NLGN4X: variants seen among roughly 807,000 people sequenced by gnomAD.
The protein encoded by NLGN4X is neuroligin-4, X-linked.
Under a neutral mutation model 40.3 loss-of-function variants are expected in NLGN4X, and 3 were observed. That is an observed-to-expected ratio of 0.07 (90% CI 0.03 to 0.19). The LOEUF is 0.19. Ranked by LOEUF, NLGN4X falls within the 10% of genes least tolerant of loss-of-function variation. The pLI is 1.00. For missense variants in NLGN4X, 382 were observed against 708.3 expected (o/e 0.54, Z 5.23); for synonymous variants, 270 against 306.8 (o/e 0.88, Z 1.25).
At chrX:6,134,074 A>C (rs751180230) in intron 2 of NLGN4X, among the ~76,000 whole-genome samples, 3 of 110,994 alleles carry the variant, frequency 2.7e-5, no homozygotes, top group Non-Finnish European at 3.8e-5. Flanking sequence ...CTCTAAAAGG[A>C]GGTCAGACCC....
intron 3 of NLGN4X, among the ~76,000 whole-genome samples, chrX:6,013,833 T>G (rs1452456470): frequency 2.7e-5 from 3 of 110,484 alleles, no homozygotes; most frequent in Non-Finnish European, 1.9e-5. Flanking sequence ...CTCCAACCTA[T>G]CTGAGAGAGC....
intron 3 of NLGN4X, among the ~76,000 whole-genome samples, chrX:5,949,097 T>C (rs997028208): frequency 2.7e-5 from 3 of 112,084 alleles, no homozygotes; most frequent in Non-Finnish European, 5.6e-5. Flanking sequence ...TAGCTTCTTA[T>C]GATCCAGCCC....
In NLGN4X at chrX:6,127,708, A is replaced by G. The variant is rs2039590840; in HGVS notation, c.472+23287T>C. Among the ~76,000 whole-genome samples, 3 of 112,774 alleles carry G rather than the reference A, an allele frequency of 2.7e-5. No homozygotes were observed. The South Asian group carries it at 1.1e-3, about 41-fold the overall frequency. The stretch of plus-strand genomic sequence containing the variant: ...GAGATTCCCACCTCATTTCATATAT[A>G]AAAATAAACTCTGCATGGATTAAAA... On this transcript the variant is annotated intron_variant, in intron 2 of 5. Coordinates refer to ENST00000381095, the MANE Select transcript of NLGN4X (RefSeq NM_181332.3).
At chrX:5,982,174 C>A (rs766077590) in intron 3 of NLGN4X, among the ~76,000 whole-genome samples, 1 of 111,656 alleles carries the variant, frequency 9.0e-6, no homozygotes, top group African/African-American at 3.2e-5. Context: ...AAGAAACTTG[C>A]GAATAAACAA....
chrX:6,165,042 G>C (rs1215221706), intron 1 of NLGN4X, among the ~76,000 whole-genome samples: 1 of 111,117 alleles, frequency 9.0e-6, no homozygotes, highest in Non-Finnish European at 1.9e-5. Context: ...CCTCAGGCTT[G>C]AACCTCATCA....
intron 2 of NLGN4X, among the ~76,000 whole-genome samples, chrX:6,035,546 C>T (rs2147241123): frequency 8.9e-6 from 1 of 111,965 alleles, no homozygotes; most frequent in East Asian, 2.8e-4. Flanking sequence ...GTCTCAGCAC[C>T]ATTTATTGAA....
At chrX:5,949,839 G>A (rs184062016) in intron 3 of NLGN4X, among the ~76,000 whole-genome samples, 54 of 111,484 alleles carry the variant, frequency 4.8e-4, no homozygotes, top group African/African-American at 1.8e-3. Context: ...GAGGCATAGT[G>A]TATGCTGTCA....
At chrX:6,050,480 T>C (rs2037457756) in intron 2 of NLGN4X, among the ~76,000 whole-genome samples, 1 of 111,394 alleles carries the variant, frequency 9.0e-6, no homozygotes, top group South Asian at 3.9e-4. Flanking sequence ...TCTATCCATC[T>C]CTAACATCTT....
intron 3 of NLGN4X, among the ~76,000 whole-genome samples, chrX:5,946,305 GA>G (rs2034119361): frequency 9.0e-6 from 1 of 111,609 alleles, no homozygotes; most frequent in South Asian, 3.8e-4. Flanking sequence ...CTTGAGGACG[GA>G]AAACAATTAA....
chrX:6,134,240 G>T (rs1182007409), intron 2 of NLGN4X, among the ~76,000 whole-genome samples: 1 of 111,840 alleles, frequency 8.9e-6, no homozygotes, highest in Non-Finnish European at 1.9e-5. Flanking sequence ...CTGAGTGCAG[G>T]ACTTCAAATT....
At chrX:5,916,658 C>T (rs1450592829) in intron 3 of NLGN4X, among the ~76,000 whole-genome samples, 2 of 110,732 alleles carry the variant, frequency 1.8e-5, no homozygotes, top group Admixed American at 1.9e-4. Context: ...CAATGTTGTC[C>T]AGGCTAGTCT....
intron 3 of NLGN4X, among the ~76,000 whole-genome samples, chrX:5,957,348 G>A (rs1252481183): frequency 1.8e-5 from 2 of 111,653 alleles, no homozygotes; most frequent in Non-Finnish European, 3.8e-5. Flanking sequence ...AAAAAACGGG[G>A]AGAGGAGACC....
At chrX:6,222,813 G>A (rs1925827897) in intron 1 of NLGN4X, among the ~76,000 whole-genome samples, 1 of 112,196 alleles carries the variant, frequency 8.9e-6, no homozygotes, top group Non-Finnish European at 1.9e-5. Context: ...TAGTGAGTAA[G>A]TTCTCACAAG....
In NLGN4X at chrX:5,968,073, G is replaced by C. The variant is rs368353926; in HGVS notation, c.626-58834C>G. On this transcript the variant is annotated intron_variant, in intron 3 of 5. Transcript: ENST00000381095. ...ATCAGACTATGTGCTGACTCCTTGA[G>C]AGCAGAAGCCACAAGCTAAGCGGCT... Among the ~76,000 whole-genome samples, 6 of 111,320 alleles carry C rather than the reference G, an allele frequency of 5.4e-5. No individual in the cohort carries two copies. In the East Asian group the frequency reaches 1.7e-3, roughly 32 times the overall value.
At chrX:5,994,276 G>A (rs2035761095) in intron 3 of NLGN4X, among the ~76,000 whole-genome samples, 1 of 111,925 alleles carries the variant, frequency 8.9e-6, no homozygotes, top group Non-Finnish European at 1.9e-5. Flanking sequence ...AGATTGAGAT[G>A]TAAGAAGCAT....
intron 2 of NLGN4X, among the ~76,000 whole-genome samples, chrX:6,135,638 C>A (rs2039797063): frequency 9.0e-6 from 1 of 111,562 alleles, no homozygotes; most frequent in African/African-American, 3.3e-5. Context: ...ATTCAAGTAT[C>A]TCTTTCCACT....
intron 3 of NLGN4X, among the ~76,000 whole-genome samples, chrX:5,985,785 G>A (rs755414682): frequency 9.0e-6 from 1 of 111,668 alleles, no homozygotes; most frequent in Non-Finnish European, 1.9e-5. Context: ...CAACAGAAAG[G>A]CCTGAAGTAA....
intron 3 of NLGN4X, among the ~76,000 whole-genome samples, chrX:5,921,594 A>G (rs962035591): frequency 4.5e-5 from 5 of 111,048 alleles, no homozygotes; most frequent in Non-Finnish European, 7.5e-5. Context: ...TATGGTACCA[A>G]CAGCCTGGGA....
At chrX:6,005,533 A>G (rs1254067448) in intron 3 of NLGN4X, among the ~76,000 whole-genome samples, 1 of 111,235 alleles carries the variant, frequency 9.0e-6, no homozygotes, top group Non-Finnish European at 1.9e-5. Context: ...TCATAAACCC[A>G]TACAGCAAAA....
Sources: allele counts gnomAD v4.1 joint callset (sites outside exome capture counted in the v4.1 genomes callset), GRCh38; gene constraint gnomAD v4.1.1; transcripts MANE v1.5; gene names NCBI Gene and HGNC (gene_info 2026-07-23, HGNC 2026-07-21).